The following TG variants were observed in gnomAD, a reference collection of about 807,000 sequenced individuals.
TG encodes thyroid hormones.
In TG, 270 loss-of-function variants were observed where a neutral mutation model predicts 324.7. The ratio of observed to expected loss-of-function variants is 0.83; its 90% CI spans 0.75 to 0.92. The LOEUF (loss-of-function observed/expected upper bound fraction) is 0.92, where lower values mean the gene tolerates loss of function less well. Among genes scored for constraint, TG ranks in the 40% least tolerant of loss-of-function variants. The pLI is 0.00. For missense variants in TG, 3,591 were observed against 3,456.4 expected (o/e 1.04, Z -0.98); for synonymous variants, 1,401 against 1,327.0 (o/e 1.06, Z -1.21).
intron 16 of TG, 38 bp downstream of exon 16, chr8:132,901,591 A>C: frequency 6.3e-7 from 1 of 1,594,340 alleles, no homozygotes; most frequent in Non-Finnish European, 8.6e-7. Flanking sequence ...CGAGGCCTGC[A>C]TATCTGTTCT....
At chr8:133,071,860 G>T (rs1024263714) in intron 41 of TG, among the ~76,000 whole-genome samples, 5 of 152,164 alleles carry the variant, frequency 3.3e-5, no homozygotes, top group Non-Finnish European at 7.3e-5. Flanking sequence ...AACTTTCTTA[G>T]GATAGGGTTC....
At chr8:133,061,146 G>T (rs1842318139) in intron 41 of TG, among the ~76,000 whole-genome samples, 1 of 152,192 alleles carries the variant, frequency 6.6e-6, no homozygotes, top group Non-Finnish European at 1.5e-5. Flanking sequence ...AAGTAGCTGG[G>T]ATTACAGGCA....
intron 9 of TG, 91 bp downstream of exon 9, chr8:132,887,639 G>T: frequency 6.4e-7 from 1 of 1,550,598 alleles, no homozygotes; most frequent in Non-Finnish European, 8.9e-7. Context: ...TCCACTCCTG[G>T]CCAATGCTTA....
chr8:133,088,205 G>A (rs1846916840), intron 41 of TG, among the ~76,000 whole-genome samples: 1 of 152,156 alleles, frequency 6.6e-6, no homozygotes, highest in African/African-American at 2.4e-5. Flanking sequence ...AACATGGTGT[G>A]TTTTTGAGCC....
intron 4 of TG, 89 bp downstream of exon 4, chr8:132,871,640 C>T (rs891566470): frequency 2.9e-5 from 39 of 1,354,296 alleles, no homozygotes; most frequent in Middle Eastern, 2.5e-4. Flanking sequence ...GGTTTCCTGC[C>T]GAAGTGGGCA....
intron 44 of TG, among the ~76,000 whole-genome samples, chr8:133,116,197 C>T (rs1337702954): frequency 1.3e-5 from 2 of 152,192 alleles, no homozygotes; most frequent in Non-Finnish European, 2.9e-5. Context: ...CTAAAATGCA[C>T]AATGATTTTA....
chr8:132,902,198 A>T (rs1818022663), intron 16 of TG, among the ~76,000 whole-genome samples: 1 of 152,098 alleles, frequency 6.6e-6, no homozygotes, highest in African/African-American at 2.4e-5. Flanking sequence ...CTTATTACCA[A>T]TTGGGGTGGT....
intron 43 of TG, among the ~76,000 whole-genome samples, chr8:133,110,875 G>A (rs1209318769): frequency 1.3e-5 from 2 of 152,080 alleles, no homozygotes; most frequent in Admixed American, 6.6e-5. Flanking sequence ...TTCTTAGCCC[G>A]CACCCACGAA....
intron 37 of TG, 47 bp downstream of exon 37, chr8:133,013,811 T>A (rs370803827): frequency 5.5e-4 from 866 of 1,585,898 alleles, no homozygotes; most frequent in Non-Finnish European, 7.1e-4. Context: ...AAACTGGGTC[T>A]GGGGAAGGGA....
intron 41 of TG, among the ~76,000 whole-genome samples, chr8:133,085,118 C>T (rs750660959): frequency 9.2e-5 from 14 of 152,210 alleles, no homozygotes; most frequent in Non-Finnish European, 1.8e-4. Context: ...CTCTTTCCTC[C>T]GTGTGTAGAC....
At chr8:133,021,169 A>T (rs1162359127) in intron 39 of TG, among the ~76,000 whole-genome samples, 2 of 152,144 alleles carry the variant, frequency 1.3e-5, no homozygotes, top group Non-Finnish European at 2.9e-5. Context: ...TCAAATGTGG[A>T]TAATAAGAAT....
At chr8:132,997,280 G>A (rs1458662391) in intron 35 of TG, among the ~76,000 whole-genome samples, 1 of 152,164 alleles carries the variant, frequency 6.6e-6, no homozygotes, top group African/African-American at 2.4e-5. Flanking sequence ...GTTGTGGGTG[G>A]AAGTGAGATT....
chr8:132,991,126 G>A (rs1832278607), intron 35 of TG, among the ~76,000 whole-genome samples: 1 of 151,810 alleles, frequency 6.6e-6, no homozygotes, highest in Non-Finnish European at 1.5e-5. Flanking sequence ...GAGCTGCCCT[G>A]AGCAGGGCAT....
intron 25 of TG, among the ~76,000 whole-genome samples, chr8:132,938,737 G>A (rs2129835661): frequency 1.3e-5 from 2 of 152,236 alleles, no homozygotes; most frequent in African/African-American, 2.4e-5. Context: ...GGGGACATTG[G>A]AACTCTGATC....
chr8:132,967,024 T>G (rs1828664371), intron 30 of TG, among the ~76,000 whole-genome samples: 1 of 143,864 alleles, frequency 7.0e-6, no homozygotes, highest in Admixed American at 6.9e-5. Flanking sequence ...CATCCATCCT[T>G]CCATCCCATC....
intron 40 of TG, among the ~76,000 whole-genome samples, chr8:133,026,900 T>A (rs569553097): frequency 6.1e-4 from 93 of 152,360 alleles, no homozygotes; most frequent in African/African-American, 2.2e-3. Context: ...TAATCTTCTA[T>A]GGTGCTTTAT....
intron 43 of TG, chr8:133,106,283 C>T: frequency 7.1e-6 from 3 of 423,032 alleles, no homozygotes; most frequent in Non-Finnish European, 9.5e-6. Flanking sequence ...GGGTTTGCAG[C>T]AGGAGGCAGG....
At chr8:132,869,690 G>C in intron 2 of TG, 39 bp from the exon 3 acceptor site, 1 of 1,562,164 alleles carries the variant, frequency 6.4e-7, no homozygotes, top group South Asian at 1.1e-5. Context: ...GGCTTTGGGG[G>C]CCCATCCCAG....
intron 41 of TG, among the ~76,000 whole-genome samples, chr8:133,061,499 AAT>A (rs1326056134): frequency 6.6e-6 from 1 of 152,200 alleles, no homozygotes; most frequent in East Asian, 1.9e-4. Context: ...CCTTCATACA[AAT>A]ATTTTGGAAA....
Sources: allele counts gnomAD v4.1 joint callset (sites outside exome capture counted in the v4.1 genomes callset), GRCh38; gene constraint gnomAD v4.1.1; transcripts MANE v1.5; gene names NCBI Gene and HGNC (gene_info 2026-07-23, HGNC 2026-07-21).